Variants in CDH13 observed in about 807,000 individuals in gnomAD.
The protein encoded by CDH13 is cadherin 13, also known as cadherin-13.
Under a neutral mutation model 63.8 loss-of-function variants are expected in CDH13, and 24 were observed. That is an observed-to-expected ratio of 0.38 (90% CI 0.27 to 0.53). The LOEUF (loss-of-function observed/expected upper bound fraction) is 0.53, where lower values mean the gene tolerates loss of function less well. CDH13 is among the 20% of genes least tolerant of loss of function. The pLI is 0.85. For missense variants in CDH13, 1,049 were observed against 903.1 expected, an observed-to-expected ratio of 1.16 and a Z score of -2.07; for synonymous variants, 503 against 355.3, an observed-to-expected ratio of 1.42 and a Z score of -4.67.
At chr16:82,987,218 C>T (rs959739543) in intron 2 of CDH13, among the ~76,000 whole-genome samples, 1 of 152,168 alleles carries the variant, frequency 6.6e-6, no homozygotes, top group Non-Finnish European at 1.5e-5. Flanking sequence ...TTCTTTGGTT[C>T]TTCCAGTTAC....
intron 5 of CDH13, 99 bp downstream of exon 5, chr16:83,217,596 C>A (rs1332323584): frequency 2.4e-6 from 3 of 1,271,336 alleles, no homozygotes; most frequent in Non-Finnish European, 3.3e-6. Flanking sequence ...CCTCATCAAA[C>A]CCGGGACTGC....
At chr16:83,023,674 CTG>C (rs1366828096) in intron 2 of CDH13, among the ~76,000 whole-genome samples, 2 of 152,168 alleles carry the variant, frequency 1.3e-5, no homozygotes, top group Non-Finnish European at 1.5e-5. Flanking sequence ...TCTTTGAACT[CTG>C]TGCTCAATTC....
At chr16:83,449,372 C>T (rs764999337) in intron 6 of CDH13, among the ~76,000 whole-genome samples, 2 of 152,078 alleles carry the variant, frequency 1.3e-5, no homozygotes, top group East Asian at 1.9e-4. Flanking sequence ...AGTCCCTGTC[C>T]GCTGGGCAAA....
intron 1 of CDH13, among the ~76,000 whole-genome samples, chr16:82,802,339 C>A (rs1447333202): frequency 6.6e-6 from 1 of 152,130 alleles, no homozygotes; most frequent in African/African-American, 2.4e-5. Flanking sequence ...AACCAGGAGT[C>A]GACCCTGATG....
At chr16:82,949,560 C>T (rs535601451) in intron 2 of CDH13, among the ~76,000 whole-genome samples, 6 of 152,250 alleles carry the variant, frequency 3.9e-5, no homozygotes, top group South Asian at 4.2e-4. Flanking sequence ...TATTTCAATG[C>T]GTGCATTTGT....
intron 8 of CDH13, among the ~76,000 whole-genome samples, chr16:83,660,841 A>G (rs1268801253): frequency 6.6e-6 from 1 of 152,094 alleles, no homozygotes; most frequent in Admixed American, 6.6e-5. Context: ...TGTGTTTTGC[A>G]TTTTCTTTCA....
rs16958045 is a variant in CDH13, at chr16:82,666,132, C to T, written c.45+38995C>T. ...TCCCTCTCTGCCTATAACGATCTCA[C>T]GTCTGTTTTTTTGCCAAAAAATATA... is the stretch of plus-strand genomic sequence containing the variant. On this transcript the variant is annotated intron_variant, in intron 1 of 13. Coordinates refer to ENST00000567109, the MANE Select transcript of CDH13 (RefSeq NM_001257.5). 0.025 allele frequency among the ~76,000 whole-genome samples: 3,847 copies of T among 152,180 alleles called. 280 individuals are homozygous for T. The East Asian group carries it at 0.3, about 12-fold the overall frequency.
chr16:83,588,167 C>T (rs1906359037), intron 7 of CDH13, among the ~76,000 whole-genome samples: 1 of 152,194 alleles, frequency 6.6e-6, no homozygotes, highest in Non-Finnish European at 1.5e-5. Context: ...TCTGCATAGA[C>T]ACCTCTCCAA....
chr16:83,611,002 T>A (rs1908809688), intron 8 of CDH13, among the ~76,000 whole-genome samples: 1 of 152,222 alleles, frequency 6.6e-6, no homozygotes, highest in Non-Finnish European at 1.5e-5. Flanking sequence ...CCAATGTGTA[T>A]GTAGTGACAT....
chr16:83,496,752 A>T (rs2074155106), intron 7 of CDH13, among the ~76,000 whole-genome samples: 1 of 152,244 alleles, frequency 6.6e-6, no homozygotes, highest in African/African-American at 2.4e-5. Context: ...AATTTTCGCA[A>T]CATACTCATC....
chr16:82,971,627 T>C (rs770024288), intron 2 of CDH13, among the ~76,000 whole-genome samples: 3 of 152,212 alleles, frequency 2.0e-5, no homozygotes, highest in Non-Finnish European at 2.9e-5. Context: ...AATGACAAGA[T>C]GGCTGGGTGT....
intron 3 of CDH13, among the ~76,000 whole-genome samples, chr16:83,049,487 A>G (rs2030044118): frequency 6.6e-6 from 1 of 151,912 alleles, no homozygotes; most frequent in African/African-American, 2.4e-5. Context: ...GGTGCCCACC[A>G]CCACACCCAG....
chr16:82,677,174 G>T (rs561131564), intron 1 of CDH13, among the ~76,000 whole-genome samples: 1 of 152,198 alleles, frequency 6.6e-6, no homozygotes. Context: ...GAGCCACTGC[G>T]CCTGGCCTAC....
intron 6 of CDH13, among the ~76,000 whole-genome samples, chr16:83,480,104 C>T (rs538857987): frequency 1.3e-5 from 2 of 152,122 alleles, no homozygotes; most frequent in African/African-American, 2.4e-5. Context: ...GTGGGCAGAT[C>T]GCTTGACTCC....
intron 7 of CDH13, among the ~76,000 whole-genome samples, chr16:83,517,224 A>T (rs1181959204): frequency 6.6e-6 from 1 of 152,230 alleles, no homozygotes; most frequent in Non-Finnish European, 1.5e-5. Context: ...AGACAGTTTA[A>T]GGATGTAGAC....
At chr16:83,604,624 C>A (rs568126333) in intron 8 of CDH13, among the ~76,000 whole-genome samples, 1 of 152,150 alleles carries the variant, frequency 6.6e-6, no homozygotes, top group African/African-American at 2.4e-5. Flanking sequence ...TCTAGGCTAC[C>A]TTATATGGCT....
At chr16:82,664,248 C>A (rs1437024943) in intron 1 of CDH13, among the ~76,000 whole-genome samples, 1 of 152,220 alleles carries the variant, frequency 6.6e-6, no homozygotes, top group Non-Finnish European at 1.5e-5. Context: ...CTTCACATGG[C>A]TGTGTCTCTC....
chr16:82,794,710 C>T (rs2036497021), intron 1 of CDH13, among the ~76,000 whole-genome samples: 1 of 152,096 alleles, frequency 6.6e-6, no homozygotes, highest in African/African-American at 2.4e-5. Context: ...ATATAATACC[C>T]CTTCAGCCTT....
intron 1 of CDH13, among the ~76,000 whole-genome samples, chr16:82,803,882 A>G (rs1415992713): frequency 3.3e-5 from 5 of 152,178 alleles, no homozygotes; most frequent in Admixed American, 3.3e-4. Flanking sequence ...AGTTCTAGAG[A>G]TGTTTTGTAC....
Sources: gnomAD v4.1 joint callset for allele counts (sites outside exome capture counted in the v4.1 genomes callset) on GRCh38, gnomAD v4.1.1 for gene constraint, MANE v1.5 for transcripts, NCBI Gene and HGNC (gene_info 2026-07-23, HGNC 2026-07-21) for gene names.